MID1: variants seen among roughly 807,000 people sequenced by gnomAD.
MID1 encodes E3 ubiquitin-protein ligase Midline-1.
MID1 carries 7 observed loss-of-function variants against 40.4 expected under a neutral mutation model. The observed-to-expected ratio is 0.17, with a 90% CI of 0.10 to 0.33. MID1 has a LOEUF of 0.33. MID1 is among the 10% of genes least tolerant of loss of function. The pLI is 1.00. For synonymous variants in MID1, 229 were observed against 221.2 expected, an observed-to-expected ratio of 1.04 and a Z score of -0.31; for missense variants, 367 against 558.5, an observed-to-expected ratio of 0.66 and a Z score of 3.46.
chrX:10,764,313 G>A (rs960885355), intron 1 of MID1, among the ~76,000 whole-genome samples: 3 of 111,646 alleles, frequency 2.7e-5, no homozygotes, highest in African/African-American at 9.8e-5. Context: ...TTACATTTAA[G>A]TCTTTAATCC....
intron 3 of MID1, among the ~76,000 whole-genome samples, chrX:10,517,682 T>C (rs1023764300): frequency 8.9e-6 from 1 of 112,200 alleles, no homozygotes; most frequent in Non-Finnish European, 1.9e-5. Context: ...TTCTCCAGAA[T>C]GAACTACTTG....
At chrX:10,565,383 C>T (rs1934488883) in intron 2 of MID1, 1 of 329,354 alleles carries the variant, frequency 3.0e-6, no homozygotes, top group Admixed American at 3.1e-5. Flanking sequence ...ATAGCAAAGC[C>T]AAATCCCAGA....
intron 1 of MID1, among the ~76,000 whole-genome samples, chrX:10,602,945 C>T (rs1352173255): frequency 8.9e-6 from 1 of 112,693 alleles, no homozygotes; most frequent in East Asian, 2.8e-4. Flanking sequence ...TTTCATTAGA[C>T]ACTGGCTTGT....
intron 2 of MID1, among the ~76,000 whole-genome samples, chrX:10,543,693 A>C (rs1468547474): frequency 9.1e-6 from 1 of 110,414 alleles, no homozygotes; most frequent in Admixed American, 9.7e-5. Context: ...AAATATAAAA[A>C]TTAGCTGGGC....
intron 2 of MID1, among the ~76,000 whole-genome samples, chrX:10,535,589 C>T (rs184627469): frequency 1.9e-3 from 209 of 111,462 alleles, no homozygotes; most frequent in Middle Eastern, 0.018. Context: ...TTCTTGCATT[C>T]GAGTATTCCC....
intron 1 of MID1, among the ~76,000 whole-genome samples, chrX:10,629,893 C>T (rs183642492): frequency 8.9e-6 from 1 of 112,221 alleles, no homozygotes; most frequent in East Asian, 2.8e-4. Flanking sequence ...ATTTTCATCA[C>T]TCCCAGGGAA....
At chrX:10,602,225 C>CTTTTTTTTTTTTT (rs56897260) in intron 1 of MID1, among the ~76,000 whole-genome samples, 27 of 83,528 alleles carry the variant, frequency 3.2e-4, no homozygotes, top group African/African-American at 1.2e-3. Context: ...TAGTTTCTGA[C>CTTTTTTTTTTTTT]TTTTTTTTTT....
chrX:10,817,566 TTCTTTC>T (rs1209883075), intron 1 of MID1, among the ~76,000 whole-genome samples: 5 of 92,620 alleles, frequency 5.4e-5, no homozygotes, highest in Admixed American at 1.2e-4. Context: ...CTTTCTTTCT[TTCTTTC>T]TCTCTTTCTT....
chrX:10,825,142 AAG>A (rs2044206486), intron 1 of MID1, among the ~76,000 whole-genome samples: 1 of 112,212 alleles, frequency 8.9e-6, no homozygotes, highest in Admixed American at 9.5e-5. Flanking sequence ...TTCTAAAATA[AAG>A]AGACTTACAT....
chrX:10,465,210 TATATACACACACACAC>T (rs1929289047), intron 7 of MID1, among the ~76,000 whole-genome samples: 1 of 62,045 alleles, frequency 1.6e-5, no homozygotes, highest in African/African-American at 9.1e-5. Context: ...TATATATATA[TATATACACACACACAC>T]ACACACACAC....
intron 1 of MID1, among the ~76,000 whole-genome samples, chrX:10,599,884 T>G (rs932944319): frequency 9.8e-5 from 11 of 112,439 alleles, no homozygotes; most frequent in Non-Finnish European, 1.7e-4. Flanking sequence ...CCTTGACAGT[T>G]AGAGTATTGT....
At chrX:10,710,608 T>C (rs961499251) in intron 1 of MID1, among the ~76,000 whole-genome samples, 4 of 110,734 alleles carry the variant, frequency 3.6e-5, no homozygotes, top group Non-Finnish European at 7.5e-5. Flanking sequence ...GCCAGGCCAC[T>C]CTTACTTTGG....
At chrX:10,656,767 A>T (rs779266135) in intron 1 of MID1, among the ~76,000 whole-genome samples, 199 of 108,757 alleles carry the variant, frequency 1.8e-3, no homozygotes, top group Middle Eastern at 4.8e-3. Flanking sequence ...ATTTTTTTTA[A>T]AAAAAAAAAC....
chrX:10,549,032 G>T (rs1004024641), intron 2 of MID1, among the ~76,000 whole-genome samples: 1 of 111,056 alleles, frequency 9.0e-6, no homozygotes, highest in African/African-American at 3.3e-5. Context: ...GTCTGATCAC[G>T]CTGTCTCATT....
At chrX:10,750,897 G>A (rs910420969) in intron 1 of MID1, among the ~76,000 whole-genome samples, 4 of 111,257 alleles carry the variant, frequency 3.6e-5, no homozygotes, top group African/African-American at 1.3e-4. Flanking sequence ...TTTAGAATGT[G>A]GGGTGGGCAG....
intron 7 of MID1, among the ~76,000 whole-genome samples, chrX:10,462,867 G>A (rs752022329): frequency 8.9e-6 from 1 of 111,743 alleles, no homozygotes; most frequent in South Asian, 3.8e-4. Flanking sequence ...CCAACAGACT[G>A]GACAGAAGTG....
At chrX:10,506,614 C>A in intron 3 of MID1, 1 of 478,264 alleles carries the variant, frequency 2.1e-6, no homozygotes, top group Non-Finnish European at 3.7e-6. Context: ...AAAAAGTTCC[C>A]AGGCCAGGGA....
intron 1 of MID1, among the ~76,000 whole-genome samples, chrX:10,660,185 C>T (rs1473760833): frequency 8.9e-6 from 1 of 112,286 alleles, no homozygotes; most frequent in Admixed American, 9.4e-5. Flanking sequence ...GAAACAAGTC[C>T]TAGTAGGATA....
chrX:10,566,098 C>G (rs886177887), intron 2 of MID1, among the ~76,000 whole-genome samples: 1 of 111,453 alleles, frequency 9.0e-6, no homozygotes, highest in African/African-American at 3.3e-5. Flanking sequence ...GCATGAGCCA[C>G]CACGCCCTGC....
Sources: gnomAD v4.1 joint callset for allele counts (sites outside exome capture counted in the v4.1 genomes callset) on GRCh38, gnomAD v4.1.1 for gene constraint, MANE v1.5 for transcripts, NCBI Gene and HGNC (gene_info 2026-07-23, HGNC 2026-07-21) for gene names.